LDB2: variants seen among roughly 807,000 people sequenced by gnomAD.
LDB2 encodes LIM domain-binding protein 2.
LDB2 carries 12 observed loss-of-function variants against 44.3 expected under a neutral mutation model. That is an observed-to-expected ratio of 0.27 (90% CI 0.17 to 0.44). The LOEUF is 0.44. Ranked by LOEUF, LDB2 falls within the 20% of genes least tolerant of loss-of-function variation. The pLI, the probability that LDB2 is intolerant of heterozygous loss-of-function variation, is 1.00. For missense variants in LDB2, 344 were observed against 473.5 expected (o/e 0.73, Z 2.54); for synonymous variants, 164 against 174.8 (o/e 0.94, Z 0.49).
At chr4:16,655,379 T>C (rs1739481121) in intron 2 of LDB2, among the ~76,000 whole-genome samples, 1 of 152,124 alleles carries the variant, frequency 6.6e-6, no homozygotes, top group Admixed American at 6.5e-5. Context: ...AGGGGAGCTG[T>C]GGCAGGATCA....
At chr4:16,513,134 A>G (rs983869228) in intron 5 of LDB2, among the ~76,000 whole-genome samples, 2 of 152,070 alleles carry the variant, frequency 1.3e-5, no homozygotes, top group Admixed American at 1.3e-4. Context: ...CTCTTATGCA[A>G]TCCCTCATCT....
intron 1 of LDB2, among the ~76,000 whole-genome samples, chr4:16,822,013 G>C (rs1782177777): frequency 1.3e-5 from 2 of 151,808 alleles, no homozygotes; most frequent in South Asian, 4.2e-4. Flanking sequence ...TAGCCCCAGA[G>C]AGACCTAGAC....
chr4:16,542,111 G>GGT (rs1734055808), intron 5 of LDB2, among the ~76,000 whole-genome samples: 1 of 146,090 alleles, frequency 6.8e-6, no homozygotes, highest in Non-Finnish European at 1.5e-5. Context: ...TGGGGGGGGG[G>GGT]GCGCGAGCAG....
At position 16,767,521 on chromosome 4, in the gene LDB2, CCA is replaced by C. The variant is rs534697235; in HGVS notation, c.133-8263_133-8262del. Among the ~76,000 whole-genome samples the C allele has an allele frequency of 6.5e-3, 982 of 152,204 alleles. 11 individuals carry two copies. The highest frequency in any genetic ancestry group is 0.022 in the African/African-American group (932 of 41,526). On this transcript the variant is annotated intron_variant, in intron 1 of 7. Transcript: ENST00000304523. Reference sequence around the variant, plus strand: ...CTTCTGATCTGGGACACGTGTTTTCCCAACAGACAGCTACTTCCAATTCTTGC... The same window carrying C: ...CTTCTGATCTGGGACACGTGTTTTCCACAGACAGCTACTTCCAATTCTTGC...
intron 2 of LDB2, among the ~76,000 whole-genome samples, chr4:16,695,263 G>A (rs1309348348): frequency 2.0e-5 from 3 of 152,116 alleles, no homozygotes; most frequent in East Asian, 1.9e-4. Context: ...TAGGCGGGGC[G>A]CAGTGGCTCA....
Position 16,703,305 on chromosome 4 carries a change from C to T in LDB2, c.235+55853G>A, listed in dbSNP as rs6825924. Among the ~76,000 whole-genome samples, 1,422 of 152,212 alleles carry T rather than the reference C, an allele frequency of 9.3e-3. 27 individuals are homozygous for T. The highest frequency in any genetic ancestry group is 0.032 in the African/African-American group (1,325 of 41,530). On this transcript the variant is annotated intron_variant, in intron 2 of 7. Coordinates refer to ENST00000304523, the MANE Select transcript of LDB2 (RefSeq NM_001290.5). ...TCATGAAGGCAGAGAAGAAGCCAGTCGTGGAAGGAGTTGGGGCAGAATGTT... is the reference window on the plus strand; with the variant it reads ...TCATGAAGGCAGAGAAGAAGCCAGTTGTGGAAGGAGTTGGGGCAGAATGTT...
At chr4:16,678,159 A>T (rs904007128) in intron 2 of LDB2, among the ~76,000 whole-genome samples, 18 of 152,328 alleles carry the variant, frequency 1.2e-4, no homozygotes, top group African/African-American at 4.3e-4. Flanking sequence ...CCTAAAAAGG[A>T]ATGGCAGTGG....
At chr4:16,852,567 A>G (rs1437111890) in intron 1 of LDB2, among the ~76,000 whole-genome samples, 1 of 152,212 alleles carries the variant, frequency 6.6e-6, no homozygotes, top group Non-Finnish European at 1.5e-5. Context: ...TCATCAGAAT[A>G]TATAGCATGA....
At chr4:16,620,414 C>T (rs1337508040) in intron 2 of LDB2, among the ~76,000 whole-genome samples, 4 of 152,184 alleles carry the variant, frequency 2.6e-5, no homozygotes, top group Non-Finnish European at 4.4e-5. Flanking sequence ...GGGAAACCAA[C>T]AACAAGCTAA....
chr4:16,674,375 TG>T, intron 2 of LDB2: 1 of 806,600 alleles, frequency 1.2e-6, no homozygotes, highest in Non-Finnish European at 1.8e-6. Flanking sequence ...GCAGTTGCCC[TG>T]GAGGCGGTGT....
chr4:16,782,356 T>C (rs926386281), intron 1 of LDB2, among the ~76,000 whole-genome samples: 18 of 151,754 alleles, frequency 1.2e-4, no homozygotes, highest in African/African-American at 4.4e-4. Context: ...TAAATACTTT[T>C]TTTTTTTTTT....
chr4:16,612,315 A>C (rs1275493753), intron 2 of LDB2, among the ~76,000 whole-genome samples: 11 of 152,172 alleles, frequency 7.2e-5, no homozygotes, highest in Admixed American at 7.2e-4. Flanking sequence ...CTAGAGAGGC[A>C]AGAGCAAACT....
chr4:16,622,715 G>T lies in LDB2; in HGVS notation c.236-26840C>A, dbSNP rs556456430. 2.6e-4 allele frequency among the ~76,000 whole-genome samples: 40 copies of T among 152,300 alleles called. No homozygotes were observed. In the South Asian group the frequency reaches 7.9e-3, roughly 30 times the overall value. On this transcript the variant is annotated intron_variant, in intron 2 of 7. Coordinates refer to ENST00000304523, the MANE Select transcript of LDB2 (RefSeq NM_001290.5). ...CTTAATTTTCCCTGTTAATATTCAT[G>T]TTGAATTGCTGAGAAACTAAGATGG...
At chr4:16,793,219 C>A (rs924572842) in intron 1 of LDB2, among the ~76,000 whole-genome samples, 8 of 152,136 alleles carry the variant, frequency 5.3e-5, no homozygotes, top group Admixed American at 3.9e-4. Flanking sequence ...TTAATTCAAG[C>A]TTTTGTGCCC....
At chr4:16,611,752 C>A (rs1479960106) in intron 2 of LDB2, among the ~76,000 whole-genome samples, 1 of 152,104 alleles carries the variant, frequency 6.6e-6, no homozygotes, top group Non-Finnish European at 1.5e-5. Flanking sequence ...TAGGCTCCCA[C>A]ACAATAATAG....
chr4:16,847,702 C>T lies in LDB2; in HGVS notation c.132+50652G>A, dbSNP rs1203832885. Among the ~76,000 whole-genome samples the T allele has an allele frequency of 3.3e-5, 5 of 152,094 alleles. No individual in the cohort carries two copies. In the South Asian group the frequency reaches 6.2e-4, roughly 19 times the overall value. On this transcript the variant is annotated intron_variant, in intron 1 of 7. Transcript: ENST00000304523. ...GCGGATCTCGGCTCATTGCAAGCTC[C>T]GCCTCCAGGGTTCACACCATTCTCC...
chr4:16,826,504 C>T (rs1783089473), intron 1 of LDB2: 2 of 152,152 alleles, frequency 1.3e-5, no homozygotes. Context: ...TATGAATATT[C>T]ACCAGTAAAT....
intron 3 of LDB2, among the ~76,000 whole-genome samples, chr4:16,590,173 G>A (rs946366934): frequency 1.2e-4 from 19 of 152,036 alleles, no homozygotes; most frequent in African/African-American, 2.9e-4. Flanking sequence ...CCTCCATCTC[G>A]GCTTTGAGAT....
intron 2 of LDB2, among the ~76,000 whole-genome samples, chr4:16,683,784 T>C (rs984752984): frequency 6.6e-6 from 1 of 152,202 alleles, no homozygotes; most frequent in African/African-American, 2.4e-5. Context: ...TGTTTCTTGT[T>C]CATCTACTTT....
Sources: gnomAD v4.1 joint callset for allele counts (sites outside exome capture counted in the v4.1 genomes callset) on GRCh38, gnomAD v4.1.1 for gene constraint, MANE v1.5 for transcripts, NCBI Gene and HGNC (gene_info 2026-07-23, HGNC 2026-07-21) for gene names.